MSTO1: variants seen among roughly 807,000 people sequenced by gnomAD.
The protein encoded by MSTO1 is protein misato homolog 1.
MSTO1 carries 24 observed loss-of-function variants against 55.7 expected under a neutral mutation model. That is an observed-to-expected ratio of 0.43 (90% confidence interval 0.31 to 0.61). The LOEUF is 0.61. MSTO1 is among the 20% of genes least tolerant of loss of function. The pLI is 0.09. For missense variants in MSTO1, 363 were observed against 625.7 expected (o/e 0.58, Z 4.48); for synonymous variants, 162 against 252.8 (o/e 0.64, Z 3.41).
the MSTO1 span, among the ~76,000 whole-genome samples, chr1:155,583,234 T>C: frequency 1.3e-5 from 2 of 151,552 alleles, no homozygotes; most frequent in Non-Finnish European, 2.9e-5. Flanking sequence ...TTTTTTTTTT[T>C]TTTTTTACTT....
chr1:155,587,528 G>C, the MSTO1 span, among the ~76,000 whole-genome samples: 1 of 150,344 alleles, frequency 6.7e-6, no homozygotes. Context: ...TGGATCACGA[G>C]GTCAGGAGAT....
At chr1:155,569,891 G>A in the MSTO1 span, among the ~76,000 whole-genome samples, 1 of 152,094 alleles carries the variant, frequency 6.6e-6, no homozygotes, top group African/African-American at 2.4e-5. Context: ...GAAACCTTAA[G>A]TGTTAACATG....
rs749922789 is a variant in MSTO1, at chr1:155,612,910, C to T, written c.1033C>T (p.Arg345Cys). The T allele has an allele frequency of 2.2e-5, 35 of 1,613,462 alleles. No individual in the cohort carries two copies. Among genetic ancestry groups the T allele is most frequent in the African/African-American group, 2.7e-5 (2 of 74,916 alleles). Residue 345 changes from arginine to cysteine, a missense_variant, in exon 10 of 14, where the codon CGC becomes TGC. By Grantham distance (180) the Arg-to-Cys change is radical (BLOSUM62 -3). This residue lies in a region of MSTO1 where 231 missense variants were observed against 286.9 expected (regional missense o/e 0.81). Transcript: ENST00000245564. ...TALDTVTVPY[R>C]LCSSPVSMVH... ...CCTGGACACAGTCACTGTTCCTTAT[C>T]GCCTGTGTTCCTCTCCAGTTTCCAT...
chr1:155,612,688 A>C, intron 9 of MSTO1, 118 bp downstream of exon 9: 1 of 1,411,490 alleles, frequency 7.1e-7, no homozygotes, highest in Non-Finnish European at 9.6e-7. Context: ...CTCAGCTGTG[A>C]TGTGGCCTCT....
At chr1:155,563,251 AGCAGGACCGCTGCTGTGGAGCTGGTC>A in the MSTO1 span, 5 of 456,524 alleles carry the variant, frequency 1.1e-5, no homozygotes, top group African/African-American at 4.0e-5. Flanking sequence ...ACTTCGCAGT[AGCAGGACCGCTGCTGTGGAGCTGGTC>A]GCAGGCGGTG....
chr1:155,607,670 GTATC>G (rs1361723451), upstream of MSTO1, among the ~76,000 whole-genome samples: 1 of 152,194 alleles, frequency 6.6e-6, no homozygotes, highest in African/African-American at 2.4e-5. Flanking sequence ...AACTGTCAGA[GTATC>G]TATAGAAACT....
chr1:155,606,202 T>A (rs1448331361), upstream of MSTO1, among the ~76,000 whole-genome samples: 1 of 112,682 alleles, frequency 8.9e-6, no homozygotes, highest in African/African-American at 4.3e-5. Flanking sequence ...CCCAGCCTTT[T>A]TTTTTTTTTT....
the MSTO1 span, among the ~76,000 whole-genome samples, chr1:155,565,610 G>T: frequency 6.6e-6 from 1 of 151,914 alleles, no homozygotes; most frequent in Non-Finnish European, 1.5e-5. Flanking sequence ...TAATTGCTGT[G>T]CTTCAAAGAA....
upstream of MSTO1, chr1:155,609,979 A>C (rs910005956): frequency 1.2e-4 from 55 of 465,838 alleles, no homozygotes; most frequent in Middle Eastern, 1.1e-3. Flanking sequence ...AGCGGCGGAG[A>C]CGGCGCCCAC....
chr1:155,611,406 A>G (rs1215805785), intron 4 of MSTO1, 115 bp downstream of exon 4: 4 of 1,600,320 alleles, frequency 2.5e-6, no homozygotes, highest in Admixed American at 3.5e-5. Flanking sequence ...TATTTTGGGA[A>G]AAAGCACTCC....
At chr1:155,574,460 G>GTA in the MSTO1 span, among the ~76,000 whole-genome samples, 22 of 151,438 alleles carry the variant, frequency 1.5e-4, no homozygotes, top group East Asian at 7.7e-4. Flanking sequence ...TCCTATAGTT[G>GTA]TATATATATA....
upstream of MSTO1, among the ~76,000 whole-genome samples, chr1:155,606,585 G>A (rs774595190): frequency 5.9e-5 from 9 of 151,538 alleles, no homozygotes; most frequent in Non-Finnish European, 7.4e-5. Flanking sequence ...AATAGAGATG[G>A]GGTTTCACCA....
At chr1:155,576,788 T>G in the MSTO1 span, among the ~76,000 whole-genome samples, 1 of 150,272 alleles carries the variant, frequency 6.7e-6, no homozygotes, top group Non-Finnish European at 1.5e-5. Context: ...CCAAACTGGG[T>G]GGATCACCTG....
rs886459685 is a variant in MSTO1 at position 155,612,412 on chromosome 1, C to T, written c.814-6C>T. 3.7e-6 allele frequency: 6 copies of T among 1,608,750 alleles called. No individual in the cohort carries two copies. Among genetic ancestry groups the T allele is most frequent in the African/African-American group, 1.3e-5 (1 of 74,686 alleles). On this transcript the variant is annotated splice_polypyrimidine_tract_variant and splice_region_variant and intron_variant, in intron 8 of 13. Coordinates refer to ENST00000245564, the MANE Select transcript of MSTO1 (RefSeq NM_018116.4). ...TGCTTAATACAAACTACTCTTTCTT[C>T]ACCAGGAGGCCCAGAGAAACATCTA...
At chr1:155,613,300 C>T in intron 11 of MSTO1, 67 bp downstream of exon 11, 2 of 1,582,858 alleles carry the variant, frequency 1.3e-6, no homozygotes, top group Non-Finnish European at 1.7e-6. Flanking sequence ...CCCCTAATTT[C>T]TCTGGGGCAT....
chr1:155,572,431 A>G, the MSTO1 span, among the ~76,000 whole-genome samples: 895 of 151,894 alleles, frequency 5.9e-3, 20 homozygotes, highest in South Asian at 0.012. Flanking sequence ...AATTCCTGGA[A>G]TGGCCGGGTG....
At chr1:155,576,216 T>C in the MSTO1 span, among the ~76,000 whole-genome samples, 1 of 152,234 alleles carries the variant, frequency 6.6e-6, no homozygotes, top group Non-Finnish European at 1.5e-5. Context: ...TGCAAATATT[T>C]TCTCCCATCC....
At chr1:155,596,149 G>A in the MSTO1 span, among the ~76,000 whole-genome samples, 2 of 152,178 alleles carry the variant, frequency 1.3e-5, no homozygotes, top group East Asian at 3.8e-4. Flanking sequence ...GATCTCAGCA[G>A]GGTGTGTTTT....
chr1:155,610,032 GCCCCGCCCCTCA>G (rs1209296338), upstream of MSTO1: 1 of 579,228 alleles, frequency 1.7e-6, no homozygotes, highest in Non-Finnish European at 3.0e-6. Flanking sequence ...GGCCCGTGGA[GCCCCGCCCCTCA>G]CAGGCAACCA....
Sources: gnomAD v4.1 joint callset for allele counts (sites outside exome capture counted in the v4.1 genomes callset) on GRCh38, gnomAD v4.1.1 for gene constraint, gnomAD v4.1.1 regional missense constraint, MANE v1.5 for transcripts, NCBI Gene and HGNC (gene_info 2026-07-23, HGNC 2026-07-21) for gene names.